OTOG: variants seen among roughly 807,000 people sequenced by gnomAD.
OTOG encodes otogelin.
OTOG carries 296 observed loss-of-function variants against 313.8 expected under a neutral mutation model. The observed-to-expected ratio is 0.94, with a 90% CI of 0.86 to 1.04. The LOEUF (loss-of-function observed/expected upper bound fraction) is 1.04. Among genes scored for constraint, OTOG ranks in the 50% least tolerant of loss-of-function variants. The pLI is 0.00. For missense variants in OTOG, 3,948 were observed against 3,840.1 expected, an observed-to-expected ratio of 1.03 and a Z score of -0.74; for synonymous variants, 1,533 against 1,554.9, an observed-to-expected ratio of 0.99 and a Z score of 0.33.
Position 17,610,190 on chromosome 11 carries a change from T to C in OTOG, c.4890T>C (p.Val1630=). ...VTVRGHGSLP[V]RTTPPQPSLT... Reference sequence around the variant, plus strand: ...TCCGAGGCCATGGCTCCTTGCCTGTTAGGACGACACCCCCACAGCCCTCCT... The same window carrying C: ...TCCGAGGCCATGGCTCCTTGCCTGTCAGGACGACACCCCCACAGCCCTCCT... Residue 1630 remains valine, a synonymous_variant, in exon 36 of 56, where the codon GTT becomes GTC. Coordinates refer to ENST00000399397, the MANE Select transcript of OTOG (RefSeq NM_001292063.2). 1 of 1,550,554 alleles carries C rather than the reference T, an allele frequency of 6.4e-7. No homozygotes were observed.
intron 6 of OTOG, 59 bp from the exon 7 acceptor site, chr11:17,555,720 A>G (rs780952389): frequency 1.6e-5 from 22 of 1,371,294 alleles, no homozygotes; most frequent in Non-Finnish European, 2.2e-5. Flanking sequence ...TAAGGTGTGA[A>G]GCTCAGGGTC....
intron 32 of OTOG, 101 bp from the exon 33 acceptor site, chr11:17,605,756 C>A (rs1853367803): frequency 1.5e-6 from 2 of 1,321,488 alleles, no homozygotes; most frequent in Non-Finnish European, 2.0e-6. Context: ...AGGCGTGCTG[C>A]CATCCAGAGT....
At chr11:17,566,854 C>T (rs1852302302) in intron 15 of OTOG, among the ~76,000 whole-genome samples, 1 of 152,224 alleles carries the variant, frequency 6.6e-6, no homozygotes, top group Non-Finnish European at 1.5e-5. Context: ...TTGTTTCATA[C>T]ATTTGTAATG....
intron 19 of OTOG, among the ~76,000 whole-genome samples, chr11:17,573,513 G>A (rs181506041): frequency 4.6e-5 from 7 of 152,328 alleles, no homozygotes; most frequent in African/African-American, 1.7e-4. Flanking sequence ...GACTGCTTCT[G>A]TCACGCTTAC....
At chr11:17,626,600 C>G (rs961243666) in intron 39 of OTOG, among the ~76,000 whole-genome samples, 8 of 152,156 alleles carry the variant, frequency 5.3e-5, no homozygotes, top group African/African-American at 1.9e-4. Context: ...TTTGGCTATT[C>G]TGGGTCTTTT....
chr11:17,593,439 C>T (rs1427201228), intron 26 of OTOG, 112 bp downstream of exon 26: 1 of 1,437,598 alleles, frequency 7.0e-7, no homozygotes, highest in East Asian at 2.5e-5. Flanking sequence ...CTTGGAGAGC[C>T]ACTGAGTTAG....
Position 17,634,218 on chromosome 11 carries a change from CG to C in OTOG, c.7418del (p.Arg2473HisfsTer77), listed in dbSNP as rs751369871. 182 of 1,550,510 alleles carry C rather than the reference CG, an allele frequency of 1.2e-4. 1 individual carries two copies. The South Asian group carries it at 1.6e-3, about 13-fold the overall frequency. ...CPSPRPESCL[R>X]FGEVALLLPT... The stretch of plus-strand genomic sequence containing the variant: ...CAGTCCCCGCCCTGAGAGCTGCCTG[CG>C]ATTCGGGGAGGTGGCCTTGCTCCTA... On this transcript the variant is annotated frameshift_variant, in exon 44 of 56. Coordinates refer to ENST00000399397, the MANE Select transcript of OTOG (RefSeq NM_001292063.2). LOFTEE classifies it high-confidence loss of function.
At position 17,594,126 on chromosome 11, in the gene OTOG, C is replaced by A. The variant is rs1196004473; in HGVS notation, c.3368C>A (p.Thr1123Asn). ...AGGACCCCGGAGAACCTAGAGCTAA[C>A]TAACCCCCAGGAGTTTGGCAGCAGT... Reference protein sequence around the residue: ...EMRTPENLELTNPQEFGSSWA... With the variant: ...EMRTPENLELNNPQEFGSSWA... The change falls in exon 28 of 56, where the codon ACT becomes AAT. Residue 1123 changes from threonine (T) to asparagine (N), a missense_variant. By Grantham distance (65) the Thr-to-Asn change is moderately conservative. Coordinates refer to ENST00000399397, the MANE Select transcript of OTOG (RefSeq NM_001292063.2). 1 of 1,550,590 alleles carries A rather than the reference C, an allele frequency of 6.4e-7. No homozygotes were observed.
intron 53 of OTOG, 136 bp from the exon 54 acceptor site, chr11:17,643,325 C>T (rs1848011112): frequency 3.8e-6 from 2 of 525,636 alleles, no homozygotes; most frequent in Non-Finnish European, 6.1e-6. Flanking sequence ...TGGCAAGGGG[C>T]CTATGCTCCT....
rs563631499 is a variant in OTOG, at chr11:17,634,250, C to A, written c.7449C>A (p.Thr2483=). 1.9e-6 allele frequency: 3 copies of A among 1,550,548 alleles called. No homozygotes were observed. In the South Asian group the frequency reaches 3.6e-5, roughly 18 times the overall value. Residue 2483 remains threonine, a synonymous_variant, in exon 44 of 56, where the codon ACC becomes ACA. Coordinates refer to ENST00000399397, the MANE Select transcript of OTOG (RefSeq NM_001292063.2). ...GGGAGGTGGCCTTGCTCCTACCCAC[C>A]AAGGACCCCTGCTGCCTGGGGACTG... ...RFGEVALLLP[T]KDPCCLGTVC...
chr11:17,581,026 G>C (rs541757455), intron 23 of OTOG, among the ~76,000 whole-genome samples: 1 of 152,192 alleles, frequency 6.6e-6, no homozygotes, highest in African/African-American at 2.4e-5. Flanking sequence ...AAGGAACGTG[G>C]GTGGATGTGT....
intron 39 of OTOG, among the ~76,000 whole-genome samples, chr11:17,624,992 C>A (rs1371299205): frequency 1.3e-5 from 2 of 152,090 alleles, no homozygotes; most frequent in African/African-American, 4.8e-5. Flanking sequence ...CTAGTGATTT[C>A]TATACATTGA....
rs1851828683 is a variant in OTOG, at chr11:17,547,317, G to A, written c.-56G>A. 4 of 1,287,996 alleles carry A rather than the reference G, an allele frequency of 3.1e-6. No homozygotes were observed. The highest frequency in any genetic ancestry group is 1.5e-5 in the African/African-American group (1 of 64,760). The allele number at this position is 1,287,996 out of a possible 1,614,324, so 79.8% of individuals were successfully genotyped here. On this transcript the variant is annotated 5_prime_UTR_variant, in exon 1 of 56. Transcript: ENST00000399397. ...AGGTGTGACCCTGCCTTAGCCCGGG[G>A]AGGCACCTCGGGAGGCTGGCCCTGC... is the stretch of plus-strand genomic sequence containing the variant.
intron 24 of OTOG, among the ~76,000 whole-genome samples, chr11:17,588,570 CTG>C (rs1192597582): frequency 6.6e-6 from 1 of 152,148 alleles, no homozygotes; most frequent in Non-Finnish European, 1.5e-5. Context: ...CAGTGCATGA[CTG>C]AGCCTGTCCC....
At chr11:17,572,532 C>T (rs1290316800) in intron 18 of OTOG, among the ~76,000 whole-genome samples, 1 of 152,246 alleles carries the variant, frequency 6.6e-6, no homozygotes, top group Non-Finnish European at 1.5e-5. Context: ...TCACCGCCCT[C>T]TGCTCTGCCC....
intron 53 of OTOG, among the ~76,000 whole-genome samples, chr11:17,642,592 A>G (rs1407607245): frequency 6.6e-6 from 1 of 152,178 alleles, no homozygotes; most frequent in Non-Finnish European, 1.5e-5. Context: ...ACCACGCGTC[A>G]TCACACCTCA....
intron 22 of OTOG, 31 bp downstream of exon 22, chr11:17,576,942 T>C (rs1320515536): frequency 9.7e-6 from 15 of 1,542,368 alleles, no homozygotes; most frequent in Non-Finnish European, 7.9e-6. Flanking sequence ...GGAGCCCTTC[T>C]GGGGGCTCCA....
chr11:17,573,609 C>G (rs1049607382), intron 19 of OTOG, among the ~76,000 whole-genome samples: 2 of 152,200 alleles, frequency 1.3e-5, no homozygotes, highest in African/African-American at 2.4e-5. Flanking sequence ...TCAGAGCCAC[C>G]TTGCGTTGCA....
Position 17,628,234 on chromosome 11 carries a change from A to C in OTOG, c.6529-899A>C, listed in dbSNP as rs111799067. The stretch of plus-strand genomic sequence containing the variant: ...TCCCCCTTAGTGCTGCTTTTGCTGT[A>C]TCCTGTAGGTTTTGGTATGTTGTGT... On this transcript the variant is annotated intron_variant, in intron 39 of 55. Coordinates refer to ENST00000399397, the MANE Select transcript of OTOG (RefSeq NM_001292063.2). Among the ~76,000 whole-genome samples the C allele has an allele frequency of 2.5e-3, 376 of 152,184 alleles. 1 individual carries two copies. Among genetic ancestry groups the C allele is most frequent in the African/African-American group, 8.5e-3 (351 of 41,532 alleles).
Sources: allele counts gnomAD v4.1 joint callset (sites outside exome capture counted in the v4.1 genomes callset), GRCh38; gene constraint gnomAD v4.1.1; transcripts MANE v1.5; gene names NCBI Gene and HGNC (gene_info 2026-07-23, HGNC 2026-07-21).